JAG1: variants seen among roughly 807,000 people sequenced by gnomAD.
JAG1 encodes the protein jagged canonical Notch ligand 1.
A neutral mutation model predicts 148.7 loss-of-function variants in JAG1; 23 were observed. The ratio of observed to expected loss-of-function variants is 0.15; its 90% CI spans 0.11 to 0.22. JAG1 has a LOEUF of 0.22. JAG1 is among the 10% of genes least tolerant of loss of function. The pLI is 1.00. For synonymous variants in JAG1, 572 were observed against 598.3 expected (o/e 0.96, Z 0.64); for missense variants, 1,054 against 1,611.2 (o/e 0.65, Z 5.92).
At position 10,646,349 on chromosome 20, in the gene JAG1, A is replaced by T. The variant is rs1189650416; in HGVS notation, c.1886-265T>A. On this transcript the variant is annotated intron_variant, in intron 14 of 25. Coordinates refer to ENST00000254958, the MANE Select transcript of JAG1 (RefSeq NM_000214.3). ...TGGGGAAGAAACTCCTACAGAAAAGAGGAATCACCCAACCTAGCAACATTC... is the reference window on the plus strand; with the variant it reads ...TGGGGAAGAAACTCCTACAGAAAAGTGGAATCACCCAACCTAGCAACATTC... 12 of 480,098 alleles carry T rather than the reference A, an allele frequency of 2.5e-5. No individual in the cohort carries two copies. In the East Asian group the frequency reaches 4.5e-4, roughly 18 times the overall value. The allele number at this position is 480,098 out of a possible 1,614,324, so 29.7% of individuals were successfully genotyped here.
chr20:10,658,977 A>C (rs2067396322), intron 3 of JAG1, among the ~76,000 whole-genome samples: 2 of 152,228 alleles, frequency 1.3e-5, no homozygotes, highest in South Asian at 4.1e-4. Flanking sequence ...ACATGTGTGC[A>C]TGTGAGTCGT....
chr20:10,648,786 G>A, intron 11 of JAG1, 64 bp from the exon 12 acceptor site: 2 of 1,490,686 alleles, frequency 1.3e-6, no homozygotes, highest in East Asian at 2.3e-5. Context: ...CAAACACAGG[G>A]CTTCAGCGGT....
intron 20 of JAG1, 74 bp from the exon 21 acceptor site, chr20:10,642,675 A>G (rs2122598781): frequency 2.3e-6 from 2 of 877,024 alleles, no homozygotes; most frequent in Middle Eastern, 2.1e-4. Context: ...TATTGACATA[A>G]CATACAAGAA....
In JAG1 at chr20:10,667,349, C is replaced by G. The variant is rs2067461943; in HGVS notation, c.388-3335G>C. ...GCTCTGCTGACTCAACTGTTGCTTC[C>G]TGTCGCTTGTCCTGTGTTAGCATTA... On this transcript the variant is annotated intron_variant, in intron 2 of 25. Transcript: ENST00000254958. 3.9e-5 allele frequency among the ~76,000 whole-genome samples: 6 copies of G among 152,212 alleles called. No homozygotes were observed. In the South Asian group the frequency reaches 1.2e-3, roughly 32 times the overall value.
At position 10,670,129 on chromosome 20, in the gene JAG1, C is replaced by G. The variant is rs117813807; in HGVS notation, c.387+2572G>C. 5.9e-3 allele frequency among the ~76,000 whole-genome samples: 898 copies of G among 152,272 alleles called. 4 individuals carry two copies. Among genetic ancestry groups the G allele is most frequent in the Non-Finnish European group, 0.01 (703 of 68,028 alleles). On this transcript the variant is annotated intron_variant, in intron 2 of 25. Coordinates refer to ENST00000254958, the MANE Select transcript of JAG1 (RefSeq NM_000214.3). ...TCTACAAAGCCTTTCACATGCACAC[C>G]AGAACATGGACTGTATTTCATATCT...
In JAG1 at chr20:10,645,421, C is replaced by T. The variant is rs200929472; in HGVS notation, c.2048G>A (p.Arg683His). 6.8e-6 allele frequency: 11 copies of T among 1,612,858 alleles called. No homozygotes were observed. The highest frequency in any genetic ancestry group is 4.5e-5 in the East Asian group (2 of 44,720). ...ACAGTAGAAGTCATTGACCAGGTCG[C>T]GACACGTGCCCCCATTGTGGCAGGG... ...QNPCHNGGTC[R>H]DLVNDFYCDC... Residue 683 changes from arginine to histidine, a missense_variant, in exon 16 of 26, where the codon CGC becomes CAC. Transcript: ENST00000254958. This position sits in a 1 kb window ranked among gnomAD's most constrained non-coding sequence, Gnocchi z 6.1.
At chr20:10,651,554 T>G in intron 8 of JAG1, 27 bp downstream of exon 8, 1 of 1,480,952 alleles carries the variant, frequency 6.8e-7, no homozygotes, top group Non-Finnish European at 9.4e-7. Flanking sequence ...ATCCTTAGAA[T>G]GGACACAGGC....
rs934594487 is a variant in JAG1 at position 10,648,101 on chromosome 20, C to T, written c.1579G>A (p.Asp527Asn). The change falls in exon 13 of 26, where the codon GAT (aspartate) becomes AAT (asparagine). Residue 527 changes from aspartate (D) to asparagine (N), a missense_variant. Transcript: ENST00000254958. ...FSGNLCQLDI[D>N]YCEPNPCQNG... is the part of the protein sequence containing the mutation. ...TGGCAGGGATTAGGCTCACAATAAT[C>T]GATGTCCAGCTGCAAATATCAGGAA... The T allele has an allele frequency of 2.5e-6, 4 of 1,613,952 alleles. No individual in the cohort carries two copies. Among genetic ancestry groups the T allele is most frequent in the Admixed American group, 1.7e-5 (1 of 59,988 alleles).
intron 5 of JAG1, among the ~76,000 whole-genome samples, chr20:10,653,912 A>G (rs2067362155): frequency 6.6e-6 from 1 of 152,224 alleles, no homozygotes; most frequent in Non-Finnish European, 1.5e-5. Context: ...AGAAATCACT[A>G]GAATGTGTGG....
At chr20:10,656,299 G>T in intron 5 of JAG1, 99 bp downstream of exon 5, 3 of 992,646 alleles carry the variant, frequency 3.0e-6, no homozygotes, top group Non-Finnish European at 3.2e-6. Context: ...AAGCTTTCTT[G>T]TTCTCCAAGG....
intron 18 of JAG1, 71 bp from the exon 19 acceptor site, chr20:10,644,455 C>G (rs879554287): frequency 2.4e-6 from 3 of 1,239,944 alleles, no homozygotes; most frequent in Admixed American, 1.8e-5. Context: ...AGTAAAACCA[C>G]CACTTATTTT....
Position 10,648,075 on chromosome 20 carries a change from C to T in JAG1, c.1605G>A (p.Gln535=), listed in dbSNP as rs774537092. The change falls in exon 13 of 26, where the codon CAG becomes CAA. Residue 535 remains glutamine, a synonymous_variant. Coordinates refer to ENST00000254958, the MANE Select transcript of JAG1 (RefSeq NM_000214.3). ...CACGGTTGTAGCACTGGGCACCGTTCTGGCAGGGATTAGGCTCACAATAAT... is the reference window on the plus strand; with the variant it reads ...CACGGTTGTAGCACTGGGCACCGTTTTGGCAGGGATTAGGCTCACAATAAT... ...DIDYCEPNPC[Q]NGAQCYNRAS... The T allele has an allele frequency of 8.7e-6, 14 of 1,614,160 alleles. No homozygotes were observed. The highest frequency in any genetic ancestry group is 1.2e-5 in the Non-Finnish European group (14 of 1,180,038).
chr20:10,664,037 A>C, intron 2 of JAG1, 23 bp from the exon 3 acceptor site: 1 of 1,609,694 alleles, frequency 6.2e-7, no homozygotes, highest in Non-Finnish European at 8.5e-7. Context: ...CAAACAATTT[A>C]GCAATTCAGA....
intron 8 of JAG1, 57 bp from the exon 9 acceptor site, chr20:10,650,417 G>C (rs2122611823): frequency 1.0e-6 from 1 of 992,906 alleles, no homozygotes; most frequent in Non-Finnish European, 1.6e-6. Context: ...CTGACAATTA[G>C]ATCCTTTAAC....
At chr20:10,652,427 C>T in intron 6 of JAG1, 41 bp downstream of exon 6, 1 of 1,610,666 alleles carries the variant, frequency 6.2e-7, no homozygotes. Flanking sequence ...TGCCATCCCA[C>T]CCCCAGATCC....
chr20:10,648,945 C>A, intron 11 of JAG1, 116 bp downstream of exon 11: 2 of 997,434 alleles, frequency 2.0e-6, no homozygotes, highest in Non-Finnish European at 3.1e-6. Context: ...TTCCAAGAGA[C>A]TCTTTTTTCA....
chr20:10,650,765 G>T, intron 8 of JAG1: 1 of 258,448 alleles, frequency 3.9e-6, no homozygotes. Flanking sequence ...TGCTTACAGA[G>T]TTTGCCCAAA....
intron 2 of JAG1, among the ~76,000 whole-genome samples, chr20:10,671,796 G>C (rs1053517951): frequency 1.3e-5 from 2 of 152,270 alleles, no homozygotes; most frequent in East Asian, 1.9e-4. Context: ...CAAGGGCCTC[G>C]CTGCAGGATC....
intron 4 of JAG1, 59 bp downstream of exon 4, chr20:10,658,409 G>C: frequency 6.2e-7 from 1 of 1,605,172 alleles, no homozygotes; most frequent in Non-Finnish European, 8.5e-7. Flanking sequence ...TGCTGGTGGG[G>C]TGATAAATGG....
Sources: gnomAD v4.1 joint callset for allele counts (sites outside exome capture counted in the v4.1 genomes callset) on GRCh38, gnomAD v4.1.1 for gene constraint, Gnocchi (gnomAD v3.1) non-coding constraint, MANE v1.5 for transcripts, NCBI Gene and HGNC (gene_info 2026-07-23, HGNC 2026-07-21) for gene names.